Variants in SBF2 observed in about 807,000 individuals in gnomAD.
SBF2 encodes the protein myotubularin-related protein 13.
Under a neutral mutation model 225.2 loss-of-function variants are expected in SBF2, and 112 were observed. The observed-to-expected ratio is 0.50, with a 90% CI of 0.43 to 0.58. SBF2 has a LOEUF of 0.58. Among genes scored for constraint, SBF2 ranks in the 20% least tolerant of loss-of-function variants. The pLI is 0.00. For synonymous variants in SBF2, 763 were observed against 773.3 expected (o/e 0.99, Z 0.22); for missense variants, 1,996 against 2,206.2 (o/e 0.90, Z 1.91).
chr11:10,045,117 G>A (rs1007875800), intron 2 of SBF2, among the ~76,000 whole-genome samples: 1 of 151,918 alleles, frequency 6.6e-6, no homozygotes, highest in African/African-American at 2.4e-5. Flanking sequence ...CTTCGTGACT[G>A]GACTCAAGGA....
intron 2 of SBF2, among the ~76,000 whole-genome samples, chr11:10,136,319 C>T (rs973196830): frequency 2.6e-5 from 4 of 152,008 alleles, no homozygotes; most frequent in South Asian, 2.1e-4. Flanking sequence ...TGGTGACAAG[C>T]GTATCTTTGC....
chr11:10,093,168 C>T (rs964959568), intron 2 of SBF2, among the ~76,000 whole-genome samples: 1 of 151,804 alleles, frequency 6.6e-6, no homozygotes, highest in Non-Finnish European at 1.5e-5. Context: ...AGGTGCATCC[C>T]ACCATGCCTA....
intron 32 of SBF2, among the ~76,000 whole-genome samples, chr11:9,797,565 C>A (rs1853201339): frequency 6.6e-6 from 1 of 152,200 alleles, no homozygotes; most frequent in African/African-American, 2.4e-5. Context: ...GCGTGCCATA[C>A]TCCAGGTTTG....
chr11:9,903,355 A>C (rs771858260), intron 16 of SBF2, among the ~76,000 whole-genome samples: 4 of 152,126 alleles, frequency 2.6e-5, no homozygotes, highest in Admixed American at 6.5e-5. Context: ...AAACAATCAG[A>C]AAAAGAAAAA....
chr11:10,114,407 A>G (rs1953032453), intron 2 of SBF2, among the ~76,000 whole-genome samples: 1 of 152,114 alleles, frequency 6.6e-6, no homozygotes, highest in Non-Finnish European at 1.5e-5. Flanking sequence ...TAAAACTCCT[A>G]TTAGGCATAA....
At chr11:9,942,809 C>A (rs757562329) in intron 16 of SBF2, among the ~76,000 whole-genome samples, 2 of 145,038 alleles carry the variant, frequency 1.4e-5, no homozygotes, top group Non-Finnish European at 3.0e-5. Context: ...GAAGCCTGGG[C>A]GACAGAGTAA....
intron 1 of SBF2, among the ~76,000 whole-genome samples, chr11:10,254,053 TAC>T (rs768279979): frequency 4.7e-4 from 71 of 152,282 alleles, no homozygotes; most frequent in African/African-American, 1.7e-3. Context: ...TGTAAATTAG[TAC>T]AGTTATTATG....
chr11:9,973,666 C>G (rs189069128), intron 13 of SBF2, among the ~76,000 whole-genome samples: 11 of 152,186 alleles, frequency 7.2e-5, no homozygotes, highest in Admixed American at 2.6e-4. Flanking sequence ...ACCCCTCCCC[C>G]CTGCAGCACG....
At chr11:10,143,616 T>C (rs1048507569) in intron 2 of SBF2, among the ~76,000 whole-genome samples, 1 of 152,166 alleles carries the variant, frequency 6.6e-6, no homozygotes, top group Non-Finnish European at 1.5e-5. Flanking sequence ...TAGATCAATA[T>C]CAGTAAGATG....
intron 16 of SBF2, among the ~76,000 whole-genome samples, chr11:9,920,181 T>C (rs1318104972): frequency 8.0e-6 from 1 of 124,424 alleles, no homozygotes; most frequent in Non-Finnish European, 1.9e-5. Flanking sequence ...GCAAATACTA[T>C]ATGTGTGTGT....
chr11:9,846,617 A>C (rs1856566781), intron 23 of SBF2, among the ~76,000 whole-genome samples: 1 of 152,216 alleles, frequency 6.6e-6, no homozygotes, highest in Non-Finnish European at 1.5e-5. Context: ...TTTCCTTCAA[A>C]ACAGATGACA....
In SBF2 at chr11:10,279,105, T is replaced by TAAAAAA. The variant is rs1459983511; in HGVS notation, c.55+14909_55+14910insTTTTTT. 1.8e-3 allele frequency among the ~76,000 whole-genome samples: 137 copies of TAAAAAA among 77,598 alleles called. 2 individuals carry two copies. The highest frequency in any genetic ancestry group is 9.2e-3 in the East Asian group (26 of 2,818). The allele number at this position is 77,598 out of a possible 152,430, so 50.9% of individuals were successfully genotyped here. A position where few individuals can be genotyped will look rare whatever the true frequency, so the allele number is the denominator to read the frequency against. ...CAACAGAACAAGACCCGGTCTTGTA[T>TAAAAAA]TAAAAAAAAAAAAAAAAAAAAAAAA... On this transcript the variant is annotated intron_variant, in intron 1 of 39. Coordinates refer to ENST00000256190, the MANE Select transcript of SBF2 (RefSeq NM_030962.4).
intron 2 of SBF2, among the ~76,000 whole-genome samples, chr11:10,062,089 A>G (rs1453853640): frequency 6.6e-6 from 1 of 152,234 alleles, no homozygotes; most frequent in Non-Finnish European, 1.5e-5. Context: ...AAAAACTAGC[A>G]ATGGAGAAAA....
intron 13 of SBF2, among the ~76,000 whole-genome samples, chr11:9,978,833 CA>C (rs541613835): frequency 4.9e-4 from 74 of 152,010 alleles, no homozygotes; most frequent in Non-Finnish European, 7.7e-4. Flanking sequence ...CCGTCTCCAC[CA>C]AAAAATACAA....
At chr11:10,105,771 T>C (rs1017101671) in intron 2 of SBF2, among the ~76,000 whole-genome samples, 5 of 152,110 alleles carry the variant, frequency 3.3e-5, no homozygotes, top group African/African-American at 7.2e-5. Flanking sequence ...CCGGAAGCAA[T>C]AGTCAAATCC....
chr11:10,102,146 G>C (rs2134973012), intron 2 of SBF2, among the ~76,000 whole-genome samples: 1 of 152,284 alleles, frequency 6.6e-6, no homozygotes, highest in Non-Finnish European at 1.5e-5. Flanking sequence ...TCAGGTATCA[G>C]ATTTGCTAAA....
intron 26 of SBF2, among the ~76,000 whole-genome samples, chr11:9,833,417 G>T: frequency 1.4e-5 from 2 of 140,536 alleles, no homozygotes; most frequent in Admixed American, 7.7e-5. Flanking sequence ...TCTTTTTTTT[G>T]GTGATTTTTT....
intron 1 of SBF2, among the ~76,000 whole-genome samples, chr11:10,212,617 T>C (rs2135385814): frequency 6.6e-6 from 1 of 152,322 alleles, no homozygotes; most frequent in South Asian, 2.1e-4. Flanking sequence ...GGACCTTAAG[T>C]GTTCTCTTTT....
intron 1 of SBF2, among the ~76,000 whole-genome samples, chr11:10,281,365 G>C (rs1213620381): frequency 2.0e-5 from 3 of 152,104 alleles, no homozygotes; most frequent in Non-Finnish European, 4.4e-5. Context: ...GAAAAGCTAG[G>C]AAGGCATACC....
Sources: gnomAD v4.1 joint callset for allele counts (sites outside exome capture counted in the v4.1 genomes callset) on GRCh38, gnomAD v4.1.1 for gene constraint, MANE v1.5 for transcripts, NCBI Gene and HGNC (gene_info 2026-07-23, HGNC 2026-07-21) for gene names.